SLC2A13: variants seen among roughly 807,000 people sequenced by gnomAD.
SLC2A13 encodes the protein solute carrier family 2 member 13, also known as proton myo-inositol cotransporter.
In SLC2A13, 32 loss-of-function variants were observed where a neutral mutation model predicts 64.4. The ratio of observed to expected loss-of-function variants is 0.50; its 90% confidence interval spans 0.37 to 0.67. The LOEUF (loss-of-function observed/expected upper bound fraction) is 0.67. SLC2A13 is among the 30% of genes least tolerant of loss of function. The pLI, the probability that SLC2A13 is intolerant of heterozygous loss-of-function variation, is 0.00. For synonymous variants in SLC2A13, 338 were observed against 327.1 expected, an observed-to-expected ratio of 1.03 and a Z score of -0.36; for missense variants, 743 against 829.2, an observed-to-expected ratio of 0.90 and a Z score of 1.28.
chr12:39,772,351 C>A (rs1940613085), intron 7 of SLC2A13, among the ~76,000 whole-genome samples: 1 of 152,136 alleles, frequency 6.6e-6, no homozygotes, highest in Non-Finnish European at 1.5e-5. Flanking sequence ...AAGGTGATAA[C>A]TGCTTGGCAC....
At chr12:39,907,530 C>T (rs1945319737) in intron 4 of SLC2A13, 1 of 152,092 alleles carries the variant, frequency 6.6e-6, no homozygotes, top group African/African-American at 2.4e-5. Context: ...ATATATACTA[C>T]TAATATAGAA....
chr12:39,963,522 TAATA>T (rs1946453629), intron 3 of SLC2A13, among the ~76,000 whole-genome samples: 1 of 152,202 alleles, frequency 6.6e-6, no homozygotes, highest in Non-Finnish European at 1.5e-5. Context: ...CAGGCTCCCA[TAATA>T]AATGACAGTT....
chr12:39,924,056 A>C (rs1180835664), intron 4 of SLC2A13, among the ~76,000 whole-genome samples: 3 of 152,166 alleles, frequency 2.0e-5, no homozygotes, highest in Non-Finnish European at 4.4e-5. Flanking sequence ...AAACAGTTAA[A>C]ACGAAATAAA....
At chr12:40,098,199 A>T (rs1056354591) in intron 1 of SLC2A13, among the ~76,000 whole-genome samples, 6 of 152,226 alleles carry the variant, frequency 3.9e-5, no homozygotes, top group African/African-American at 7.2e-5. Context: ...AAACTCTATC[A>T]TATGCTACAC....
intron 6 of SLC2A13, among the ~76,000 whole-genome samples, chr12:39,849,059 AT>A (rs2135890351): frequency 6.6e-6 from 1 of 152,236 alleles, no homozygotes; most frequent in South Asian, 2.1e-4. Context: ...AACAAAAAAG[AT>A]AACTATTGGG....
At chr12:40,008,404 G>C (rs887799083) in intron 3 of SLC2A13, among the ~76,000 whole-genome samples, 1 of 152,016 alleles carries the variant, frequency 6.6e-6, no homozygotes, top group African/African-American at 2.4e-5. Context: ...TCAACAGATC[G>C]AGACCATCCT....
chr12:40,010,135 G>A (rs745553644), intron 3 of SLC2A13, among the ~76,000 whole-genome samples: 2 of 152,174 alleles, frequency 1.3e-5, no homozygotes, highest in Non-Finnish European at 2.9e-5. Flanking sequence ...ATTGAATCTG[G>A]CAAGAGACAG....
intron 6 of SLC2A13, among the ~76,000 whole-genome samples, chr12:39,858,879 T>C (rs1197675435): frequency 6.6e-6 from 1 of 152,194 alleles, no homozygotes; most frequent in African/African-American, 2.4e-5. Flanking sequence ...GTGCTGGGAT[T>C]ACAGGTGTGA....
At chr12:40,083,276 A>G (rs1938475063) in intron 1 of SLC2A13, among the ~76,000 whole-genome samples, 1 of 151,748 alleles carries the variant, frequency 6.6e-6, no homozygotes, top group South Asian at 2.1e-4. Flanking sequence ...CTTCTCCACC[A>G]CTTCCCTGAC....
chr12:39,872,656 A>T (rs1944086848), intron 4 of SLC2A13, among the ~76,000 whole-genome samples: 3 of 152,228 alleles, frequency 2.0e-5, no homozygotes, highest in African/African-American at 7.2e-5. Context: ...GTTGATGCAC[A>T]ATGGAAGATA....
chr12:39,943,321 A>G (rs1946075331), intron 4 of SLC2A13, among the ~76,000 whole-genome samples: 1 of 152,204 alleles, frequency 6.6e-6, no homozygotes. Flanking sequence ...GCCAGCAGGC[A>G]GCAATATTTA....
At chr12:39,972,980 T>C (rs1224618101) in intron 3 of SLC2A13, among the ~76,000 whole-genome samples, 2 of 152,084 alleles carry the variant, frequency 1.3e-5, no homozygotes, top group African/African-American at 4.8e-5. Context: ...GGCAGGAGAA[T>C]TGCTTGAACC....
intron 6 of SLC2A13, among the ~76,000 whole-genome samples, chr12:39,856,278 C>T (rs192904625): frequency 5.8e-4 from 89 of 152,290 alleles, no homozygotes; most frequent in Non-Finnish European, 1.0e-3. Flanking sequence ...TCCATCCATC[C>T]ACCCAAACAC....
intron 1 of SLC2A13, among the ~76,000 whole-genome samples, chr12:40,084,222 C>T (rs924542035): frequency 3.3e-5 from 5 of 152,208 alleles, no homozygotes; most frequent in African/African-American, 4.8e-5. Context: ...CTGGCTCATG[C>T]TGTGCTTTCT....
At chr12:40,031,042 G>C (rs1947895103) in intron 2 of SLC2A13, among the ~76,000 whole-genome samples, 1 of 152,060 alleles carries the variant, frequency 6.6e-6, no homozygotes, top group Non-Finnish European at 1.5e-5. Context: ...AGCTTATTTT[G>C]TTTTAATTAC....
At chr12:39,959,363 A>T (rs888140846) in intron 3 of SLC2A13, among the ~76,000 whole-genome samples, 3 of 152,236 alleles carry the variant, frequency 2.0e-5, no homozygotes, top group Admixed American at 6.5e-5. Flanking sequence ...CTCCAAGGCA[A>T]TCAATTTGCC....
At chr12:39,909,075 C>G (rs1945363261) in intron 4 of SLC2A13, among the ~76,000 whole-genome samples, 1 of 151,744 alleles carries the variant, frequency 6.6e-6, no homozygotes, top group Non-Finnish European at 1.5e-5. Context: ...AATACAGTGA[C>G]ATATATGTAT....
At chr12:39,910,983 C>G (rs1384282768) in intron 4 of SLC2A13, among the ~76,000 whole-genome samples, 1 of 152,060 alleles carries the variant, frequency 6.6e-6, no homozygotes, top group Non-Finnish European at 1.5e-5. Flanking sequence ...ATTCAGGAGG[C>G]TGAGGCAAGA....
chr12:39,767,165 G>C (rs1013552793), intron 7 of SLC2A13, among the ~76,000 whole-genome samples: 1 of 152,058 alleles, frequency 6.6e-6, no homozygotes, highest in African/African-American at 2.4e-5. Context: ...GAAAGTTGAA[G>C]TGACTCCTTG....
Sources: gnomAD v4.1 joint callset for allele counts (sites outside exome capture counted in the v4.1 genomes callset) on GRCh38, gnomAD v4.1.1 for gene constraint, MANE v1.5 for transcripts, NCBI Gene and HGNC (gene_info 2026-07-23, HGNC 2026-07-21) for gene names.